RPS17: variants seen among roughly 807,000 people sequenced by gnomAD.
The protein encoded by RPS17 is ribosomal protein S17.
For synonymous variants in RPS17, 75 were observed against 65.6 expected (o/e 1.14, Z -0.70); for missense variants, 68 against 182.3 (o/e 0.37, Z 3.61).
intron 2 of RPS17, chr15:82,539,335 C>T (rs914502833): frequency 4.9e-5 from 24 of 486,084 alleles, no homozygotes; most frequent in Non-Finnish European, 8.9e-5. Flanking sequence ...CACTATTCTT[C>T]CAGGCCATAT....
rs2034290492 is a variant in RPS17, at chr15:82,538,993, G to A, written c.156-8C>T. 3 of 1,613,222 alleles carry A rather than the reference G, an allele frequency of 1.9e-6. No homozygotes were observed. The highest frequency in any genetic ancestry group is 2.5e-6 in the Non-Finnish European group (3 of 1,179,382). The stretch of plus-strand genomic sequence containing the variant: ...ATCAGATGCGTGACATAACTACAAA[G>A]CACACACAGCCAAAGAGAACAGTGA... On this transcript the variant is annotated splice_region_variant and splice_polypyrimidine_tract_variant and intron_variant, in intron 2 of 4. Transcript: ENST00000647841.
intron 2 of RPS17, 113 bp from the exon 3 acceptor site, chr15:82,539,098 A>G: frequency 1.9e-6 from 2 of 1,070,376 alleles, no homozygotes; most frequent in Non-Finnish European, 1.5e-6. Flanking sequence ...CACAGTGAGA[A>G]GGAAGAGGAC....
At chr15:82,539,153 A>G in intron 2 of RPS17, 168 bp from the exon 3 acceptor site, 1 of 740,852 alleles carries the variant, frequency 1.3e-6, no homozygotes, top group Non-Finnish European at 2.5e-6. Context: ...CACTGGCCTG[A>G]GCATTCCTTC....
chr15:82,539,808 G>T (rs2034312442), intron 2 of RPS17, 173 bp downstream of exon 2: 1 of 1,193,096 alleles, frequency 8.4e-7, no homozygotes, highest in African/African-American at 1.5e-5. Context: ...TCATGACACA[G>T]GCCTAAGTTC....
Position 82,540,022 on chromosome 15 carries a change from G to A in RPS17, c.114C>T (p.Ile38=). 1 of 1,612,296 alleles carries A rather than the reference G, an allele frequency of 6.2e-7. No homozygotes were observed. The highest frequency in any genetic ancestry group is 8.5e-7 in the Non-Finnish European group (1 of 1,179,860). ...GGAGCTTTTTGCTGGGGATAATGGC[G>A]ATCTCCTCGCACACGCGCTTGTTCG... ...FHTNKRVCEE[I]AIIPSKKLRN... Residue 38 remains isoleucine (I), a synonymous_variant, in exon 2 of 5, where the codon ATC becomes ATT. Coordinates refer to ENST00000647841, the MANE Select transcript of RPS17 (RefSeq NM_001021.6).
At chr15:82,538,236 T>C in intron 4 of RPS17, 70 bp downstream of exon 4, 2 of 1,564,246 alleles carry the variant, frequency 1.3e-6, no homozygotes, top group Non-Finnish European at 1.8e-6. Flanking sequence ...CTGGGTGACC[T>C]TGGATAATAA....
chr15:82,538,623 G>C, intron 3 of RPS17: 3 of 649,150 alleles, frequency 4.6e-6, no homozygotes, highest in Non-Finnish European at 8.2e-6. Context: ...ACTATATTAG[G>C]GGCAAACAAT....
intron 4 of RPS17, chr15:82,537,126 G>A (rs2034253797): frequency 3.3e-6 from 2 of 597,946 alleles, no homozygotes; most frequent in Non-Finnish European, 6.1e-6. Context: ...AATGTACCAT[G>A]CCATTTGTAT....
chr15:82,537,811 G>A (rs959055302), intron 4 of RPS17: 1 of 451,954 alleles, frequency 2.2e-6, no homozygotes, highest in Non-Finnish European at 4.4e-6. Context: ...AACCGCCCAT[G>A]AAGCCCATGC....
At chr15:82,537,732 T>C (rs1228561389) in intron 4 of RPS17, 9 of 393,456 alleles carry the variant, frequency 2.3e-5, no homozygotes, top group East Asian at 2.1e-4. Context: ...ATTTTGCTAC[T>C]ACCTTTTTGA....
In RPS17 at chr15:82,537,636, G is replaced by C. The variant is rs922160572; in HGVS notation, c.327+670C>G. On this transcript the variant is annotated intron_variant, in intron 4 of 4. Coordinates refer to ENST00000647841, the MANE Select transcript of RPS17 (RefSeq NM_001021.6). Reference sequence around the variant, plus strand: ...ACAAAAATGCTGCATTCAGCGCAGTGGTTATTTCAGGAAGAAAAGACCCAC... The same window carrying C: ...ACAAAAATGCTGCATTCAGCGCAGTCGTTATTTCAGGAAGAAAAGACCCAC... 473 of 357,112 alleles carry C rather than the reference G, an allele frequency of 1.3e-3. 7 individuals carry two copies. The highest frequency in any genetic ancestry group is 4.9e-4 in the Non-Finnish European group (89 of 183,434). 22.1% of individuals were successfully genotyped at this position (357,112 alleles called of 1,614,324 possible).
At chr15:82,539,944 T>C in intron 2 of RPS17, 37 bp downstream of exon 2, 1 of 1,611,812 alleles carries the variant, frequency 6.2e-7, no homozygotes, top group South Asian at 1.1e-5. Flanking sequence ...CACAAACAGA[T>C]CGCGGAGCCC....
At chr15:82,537,019 C>A (rs1037779555) in intron 4 of RPS17, 138 bp from the exon 5 acceptor site, 2 of 891,270 alleles carry the variant, frequency 2.2e-6, no homozygotes, top group Non-Finnish European at 3.7e-6. Context: ...TAAGAGCCAA[C>A]AGGGTTCTCA....
chr15:82,537,858 T>C (rs1300995500), intron 4 of RPS17: 3 of 455,912 alleles, frequency 6.6e-6, no homozygotes, highest in African/African-American at 2.0e-5. Context: ...AGATAAGCCA[T>C]AGAAAAAACA....
At chr15:82,538,007 A>G (rs1413852517) in intron 4 of RPS17, 1 of 488,848 alleles carries the variant, frequency 2.0e-6, no homozygotes, top group Non-Finnish European at 4.1e-6. Flanking sequence ...AGGCAGATTC[A>G]GCCAGGGCTG....
At chr15:82,539,899 C>T (rs1223408480) in intron 2 of RPS17, 82 bp downstream of exon 2, 7 of 1,607,586 alleles carry the variant, frequency 4.4e-6, no homozygotes, top group Admixed American at 3.3e-5. Flanking sequence ...ACCACCAAGG[C>T]ACCGTCTCTT....
chr15:82,539,526 T>C, intron 2 of RPS17: 2 of 451,546 alleles, frequency 4.4e-6, no homozygotes, highest in South Asian at 3.1e-5. Context: ...TGTTGTCTAC[T>C]AAAAATACAA....
chr15:82,539,709 A>T (rs1236811898), intron 2 of RPS17: 2 of 595,084 alleles, frequency 3.4e-6, no homozygotes, highest in African/African-American at 1.9e-5. Context: ...GAAAAAAAAG[A>T]AAGAAAAAAG....
chr15:82,537,973 G>T, intron 4 of RPS17: 1 of 469,460 alleles, frequency 2.1e-6, no homozygotes, highest in Non-Finnish European at 4.2e-6. Context: ...AGACACCAAA[G>T]GAATGCCTTC....
Sources: gnomAD v4.1 joint callset for allele counts on GRCh38, gnomAD v4.1.1 for gene constraint, MANE v1.5 for transcripts, NCBI Gene and HGNC (gene_info 2026-07-23, HGNC 2026-07-21) for gene names.